The following CDH13 variants were observed in gnomAD, a reference collection of about 807,000 sequenced individuals.
The protein encoded by CDH13 is cadherin 13.
CDH13 carries 24 observed loss-of-function variants against 63.8 expected under a neutral mutation model. The observed-to-expected ratio is 0.38, with a 90% CI of 0.27 to 0.53. The LOEUF (loss-of-function observed/expected upper bound fraction) is 0.53. CDH13 is among the 20% of genes least tolerant of loss of function. CDH13 has a pLI of 0.85. For synonymous variants in CDH13, 503 were observed against 355.3 expected (o/e 1.42, Z -4.67); for missense variants, 1,049 against 903.1 (o/e 1.16, Z -2.07).
intron 7 of CDH13, among the ~76,000 whole-genome samples, chr16:83,489,528 C>A (rs371590665): frequency 3.3e-5 from 5 of 152,220 alleles, no homozygotes; most frequent in Admixed American, 6.5e-5. Context: ...ATAAGCTTCA[C>A]TTCAGCATGT....
chr16:83,151,576 C>G (rs1399577057), intron 4 of CDH13, among the ~76,000 whole-genome samples: 1 of 152,108 alleles, frequency 6.6e-6, no homozygotes, highest in Non-Finnish European at 1.5e-5. Flanking sequence ...AGAGTATTTG[C>G]TAAGAGGTGT....
chr16:83,334,738 A>T (rs1265165587), intron 5 of CDH13, among the ~76,000 whole-genome samples: 1 of 152,106 alleles, frequency 6.6e-6, no homozygotes, highest in Non-Finnish European at 1.5e-5. Context: ...TTAATTTGGG[A>T]GGTGGAGAGA....
At chr16:83,421,782 G>A (rs567938004) in intron 6 of CDH13, among the ~76,000 whole-genome samples, 18 of 152,274 alleles carry the variant, frequency 1.2e-4, no homozygotes, top group Non-Finnish European at 2.2e-4. Flanking sequence ...AACAAGATTG[G>A]CCACAGTGGA....
In CDH13 at chr16:83,171,580, G is replaced by A. The variant is rs76964433; in HGVS notation, c.484-45765G>A. On this transcript the variant is annotated intron_variant, in intron 4 of 13. Coordinates refer to ENST00000567109, the MANE Select transcript of CDH13 (RefSeq NM_001257.5). The stretch of plus-strand genomic sequence containing the variant: ...TGGCTGACATGAGATAAGTGCACAG[G>A]AAATTTTGAAATATCTGTGTCTCTA... The A allele has an allele frequency of 3.3e-5, 50 of 1,528,212 alleles. No individual in the cohort carries two copies. In the African/African-American group the frequency reaches 4.0e-4, roughly 12 times the overall value. The allele number at this position is 1,528,212 out of a possible 1,614,324, so 94.7% of individuals were successfully genotyped here.
intron 1 of CDH13, among the ~76,000 whole-genome samples, chr16:82,848,059 G>A (rs912031859): frequency 6.6e-6 from 1 of 152,056 alleles, no homozygotes; most frequent in African/African-American, 2.4e-5. Flanking sequence ...AATAGTCTTT[G>A]GTATGTTCAA....
At position 83,357,668 on chromosome 16, in the gene CDH13, C is replaced by T. The variant is rs1212418288; in HGVS notation, c.781+12662C>T. 2.0e-5 allele frequency among the ~76,000 whole-genome samples: 3 copies of T among 152,262 alleles called. 1 individual carries two copies. Among genetic ancestry groups the T allele is most frequent in the Middle Eastern group, 6.8e-3 (2 of 294 alleles). On this transcript the variant is annotated intron_variant, in intron 6 of 13. Coordinates refer to ENST00000567109, the MANE Select transcript of CDH13 (RefSeq NM_001257.5). ...CCAAGGTCAAGGACTGGTAAACATA[C>T]GTCAATGCATAGAACGGCCTCCACA...
intron 5 of CDH13, among the ~76,000 whole-genome samples, chr16:83,276,095 C>G (rs2088978850): frequency 6.6e-6 from 1 of 152,146 alleles, no homozygotes. Context: ...CAGGATTGAA[C>G]AGGCTTATGA....
chr16:82,899,690 T>C (rs1306769153), intron 2 of CDH13, among the ~76,000 whole-genome samples: 3 of 152,196 alleles, frequency 2.0e-5, no homozygotes, highest in Non-Finnish European at 2.9e-5. Flanking sequence ...TTTATAGTCA[T>C]GCAGTGAAGC....
chr16:83,610,802 T>C (rs1397816301), intron 8 of CDH13, among the ~76,000 whole-genome samples: 2 of 152,238 alleles, frequency 1.3e-5, no homozygotes, highest in Non-Finnish European at 2.9e-5. Context: ...TTGGTGCATA[T>C]TTGAAGCTTA....
intron 1 of CDH13, among the ~76,000 whole-genome samples, chr16:82,738,549 C>T (rs1315685884): frequency 1.3e-5 from 2 of 152,224 alleles, no homozygotes; most frequent in Non-Finnish European, 2.9e-5. Flanking sequence ...AGTTAGCCCT[C>T]CGCTACCTTT....
intron 10 of CDH13, among the ~76,000 whole-genome samples, chr16:83,722,647 T>A (rs1909847678): frequency 1.3e-5 from 2 of 152,210 alleles, no homozygotes; most frequent in Admixed American, 1.3e-4. Context: ...CTTGCAAAAC[T>A]GAGCCAACTG....
chr16:82,837,700 G>A (rs1419415877), intron 1 of CDH13, among the ~76,000 whole-genome samples: 1 of 152,192 alleles, frequency 6.6e-6, no homozygotes, highest in Non-Finnish European at 1.5e-5. Context: ...GCTCACTGGA[G>A]GCTCAGTGCC....
chr16:83,012,201 T>C (rs1372136150), intron 2 of CDH13, among the ~76,000 whole-genome samples: 1 of 152,186 alleles, frequency 6.6e-6, no homozygotes, highest in African/African-American at 2.4e-5. Context: ...TTTTTCTGAG[T>C]TCTTTGGATT....
At chr16:82,987,440 G>A (rs1391382029) in intron 2 of CDH13, among the ~76,000 whole-genome samples, 11 of 152,088 alleles carry the variant, frequency 7.2e-5, no homozygotes, top group South Asian at 2.1e-4. Flanking sequence ...ACAGTGTCAC[G>A]ATCCTGGCTC....
At chr16:83,377,432 A>G (rs954080418) in intron 6 of CDH13, among the ~76,000 whole-genome samples, 5 of 152,280 alleles carry the variant, frequency 3.3e-5, no homozygotes, top group African/African-American at 1.2e-4. Context: ...GATTTAGGTT[A>G]TAGTTTCCCT....
chr16:83,101,502 C>G (rs765467881), intron 3 of CDH13, among the ~76,000 whole-genome samples: 6 of 150,924 alleles, frequency 4.0e-5, no homozygotes, highest in African/African-American at 1.5e-4. Context: ...TTTAGAAATA[C>G]TGGGTAGAGG....
At chr16:83,347,775 C>T (rs1232971119) in intron 6 of CDH13, among the ~76,000 whole-genome samples, 1 of 152,214 alleles carries the variant, frequency 6.6e-6, no homozygotes, top group Non-Finnish European at 1.5e-5. Context: ...AAGAGGCTGC[C>T]ACATCTGCCT....
chr16:82,627,819 A>C (rs113460564), intron 1 of CDH13, among the ~76,000 whole-genome samples: 1,551 of 152,250 alleles, frequency 0.01, 10 homozygotes, highest in Middle Eastern at 0.024. Context: ...GCCAGGGCGC[A>C]GGCCCCAGCC....
At chr16:83,208,210 G>C (rs1477033890) in intron 4 of CDH13, among the ~76,000 whole-genome samples, 1 of 152,144 alleles carries the variant, frequency 6.6e-6, no homozygotes, top group African/African-American at 2.4e-5. Context: ...AGGGTATGGG[G>C]ACTCTTGGCC....
Sources: gnomAD v4.1 joint callset for allele counts (sites outside exome capture counted in the v4.1 genomes callset) on GRCh38, gnomAD v4.1.1 for gene constraint, MANE v1.5 for transcripts, NCBI Gene and HGNC (gene_info 2026-07-23, HGNC 2026-07-21) for gene names.